The following DUS3L variants were observed in gnomAD, a reference collection of about 807,000 sequenced individuals.
The protein encoded by DUS3L is dihydrouridine synthase 3 like, also known as tRNA-dihydrouridine(47) synthase [NAD(P)(+)]-like.
Under a neutral mutation model 74.6 loss-of-function variants are expected in DUS3L, and 62 were observed. That is an observed-to-expected ratio of 0.83 (90% CI 0.68 to 1.03). The LOEUF is 1.03. Among genes scored for constraint, DUS3L ranks in the 50% least tolerant of loss-of-function variants. DUS3L has a pLI of 0.00. For synonymous variants in DUS3L, 433 were observed against 395.7 expected, an observed-to-expected ratio of 1.09 and a Z score of -1.12; for missense variants, 884 against 924.4, an observed-to-expected ratio of 0.96 and a Z score of 0.57.
At chr19:5,787,265 G>C in intron 7 of DUS3L, 31 bp downstream of exon 7, 2 of 1,610,724 alleles carry the variant, frequency 1.2e-6, no homozygotes, top group Non-Finnish European at 1.7e-6. Flanking sequence ...GAGTTGTTTG[G>C]GAGCCAGTGC....
At chr19:5,788,870 C>T (rs987455662) in intron 3 of DUS3L, among the ~76,000 whole-genome samples, 1 of 152,154 alleles carries the variant, frequency 6.6e-6, no homozygotes, top group Admixed American at 6.5e-5. Flanking sequence ...CCAGGCCCGG[C>T]TAATTTTTGT....
chr19:5,787,450 A>G, intron 6 of DUS3L, 89 bp from the exon 7 acceptor site: 1 of 1,526,720 alleles, frequency 6.5e-7, no homozygotes, highest in Admixed American at 1.7e-5. Flanking sequence ...CCACCAGGAG[A>G]CGCCGACCTG....
intron 7 of DUS3L, 22 bp from the exon 8 acceptor site, chr19:5,787,193 T>TGGCAGGAGAC (rs766024947): frequency 1.6e-5 from 13 of 825,620 alleles, no homozygotes; most frequent in Admixed American, 1.2e-4. Flanking sequence ...TGGTGGGAGG[T>TGGCAGGAGAC]GGTGGGAGAT....
In DUS3L at chr19:5,785,671, C is replaced by T; in HGVS notation, c.1683G>A (p.Trp561Ter). Residue 561 changes from tryptophan to a stop codon, truncating the protein, a stop_gained, in exon 11 of 13, where the codon TGG becomes TGA. Coordinates refer to ENST00000309061, the MANE Select transcript of DUS3L (RefSeq NM_020175.3). LOFTEE classifies it high-confidence loss of function. The stretch of plus-strand genomic sequence containing the variant: ...TCTCCACGCCCTGCGTGTCCGAGCC[C>T]CAGTGCTCCAGGCCGTAGTTGGTGA... ...RDFTNYGLEHWGSDTQGVEKT... is the reference protein window; with the variant it reads ...RDFTNYGLEH 1 of 1,612,706 alleles carries T rather than the reference C, an allele frequency of 6.2e-7. No homozygotes were observed. The highest frequency in any genetic ancestry group is 8.5e-7 in the Non-Finnish European group (1 of 1,179,894).
At position 5,787,694 on chromosome 19, in the gene DUS3L, G is replaced by A. The variant is rs757904184; in HGVS notation, c.1107C>T (p.Ala369=). 1 of 1,613,424 alleles carries A rather than the reference G, an allele frequency of 6.2e-7. No homozygotes were observed. The highest frequency in any genetic ancestry group is 1.1e-5 in the South Asian group (1 of 91,086). The stretch of plus-strand genomic sequence containing the variant: ...CACACTTGGTCATGGTGTCGGGGAA[G>A]GCGCCCTCCAGCTGTAGGTGGGTAG... The part of the protein sequence containing the change: ...EDIFGVQLEG[A]FPDTMTKCAE... Residue 369 remains alanine, a synonymous_variant, in exon 6 of 13, where the codon GCC becomes GCT. Transcript: ENST00000309061.
At chr19:5,786,377 A>G (rs974424615) in intron 10 of DUS3L, 90 bp downstream of exon 10, 29 of 1,313,452 alleles carry the variant, frequency 2.2e-5, no homozygotes, top group Admixed American at 1.2e-4. Context: ...CCAACAGCCC[A>G]CCACAGAACA....
chr19:5,785,310 C>T, intron 12 of DUS3L, 35 bp from the exon 13 acceptor site: 1 of 1,609,686 alleles, frequency 6.2e-7, no homozygotes. Flanking sequence ...AGGTCAGGCC[C>T]AGGACCTGCA....
Position 5,789,621 on chromosome 19 carries a change from G to A in DUS3L, c.486C>T (p.Cys162=), listed in dbSNP as rs779158913. Residue 162 remains cysteine, a synonymous_variant, in exon 3 of 13, where the codon TGC becomes TGT. Transcript: ENST00000309061. ...ACCGGCCGAAGGTCTCGAAGAGCAC[G>A]CAGCGGGGGCCCAGGTCGGCCGGCT... The part of the protein sequence containing the change: ...ETKPADLGPR[C]VLFETFGRCP... The A allele has an allele frequency of 2.5e-6, 4 of 1,599,790 alleles. No homozygotes were observed. In the South Asian group the frequency reaches 3.4e-5, roughly 13 times the overall value.
Position 5,787,639 on chromosome 19 carries a change from C to A in DUS3L, c.1162G>T (p.Asp388Tyr). The A allele has an allele frequency of 6.2e-7, 1 of 1,613,880 alleles. No homozygotes were observed. Among genetic ancestry groups the A allele is most frequent in the East Asian group, 2.2e-5 (1 of 44,884 alleles). ...CAGCCGACGTTGATGTCCACAAAGT[C>A]CACCTCCACGGTGCGGCTCAGCAGC... ...AELLSRTVEV[D>Y]FVDINVGCPI... The change falls in exon 6 of 13, where the codon GAC (aspartate) becomes TAC (tyrosine). Residue 388 changes from aspartate to tyrosine, a missense_variant. Physicochemically the swap from Asp to Tyr is radical, Grantham distance 160. Transcript: ENST00000309061.
chr19:5,789,257 GC>G lies in DUS3L; in HGVS notation c.849del (p.Leu285Ter). 6.4e-7 allele frequency: 1 copy of G among 1,572,138 alleles called. No homozygotes were observed. Among genetic ancestry groups the G allele is most frequent in the Middle Eastern group, 1.7e-4 (1 of 5,884 alleles). Reference protein sequence around the residue: ...TPPSSPVRTCGPLTDEDVVRL... With the variant: ...TPPSSPVRTCXPLTDEDVVRL... Reference sequence around the variant, plus strand: ...CTGACCACGTCCTCATCCGTCAGGGGCCCGCAGGTCCGCACGGGGCTGCTGG... The same window carrying G: ...CTGACCACGTCCTCATCCGTCAGGGGCCGCAGGTCCGCACGGGGCTGCTGG... On this transcript the variant is annotated frameshift_variant, in exon 3 of 13. Transcript: ENST00000309061. LOFTEE classifies it high-confidence loss of function.
intron 1 of DUS3L, chr19:5,790,756 G>A: frequency 1.8e-6 from 1 of 568,952 alleles, no homozygotes; most frequent in African/African-American, 1.9e-5. Flanking sequence ...CACATGCGCC[G>A]TACGTCCATA....
rs910548300 is a variant in DUS3L at position 5,785,467 on chromosome 19, T to C, written c.1796A>G (p.Asn599Ser). 3 of 1,584,644 alleles carry C rather than the reference T, an allele frequency of 1.9e-6. No individual in the cohort carries two copies. The highest frequency in any genetic ancestry group is 1.3e-5 in the African/African-American group (1 of 74,412). ...GLLERLPQRI[N>S]ERPPYYLGRD... ...GCCCAGGTAGTAGGGCGGCCGCTCG[T>C]TGATCCTCTGTGGGAGCCGCTCCAG... Residue 599 changes from asparagine to serine, a missense_variant, in exon 12 of 13, where the codon AAC (asparagine) becomes AGC (serine). Coordinates refer to ENST00000309061, the MANE Select transcript of DUS3L (RefSeq NM_020175.3).
chr19:5,789,538 T>C lies in DUS3L; in HGVS notation c.569A>G (p.Asn190Ser). ...GGCCGCCAACTCCTCCTGCACCAGG[T>C]TCTGTCCCTCGGGCCTCAGGTGGGC... ...AGAHLRPEGQ[N>S]LVQEELAARG... is the part of the protein sequence containing the mutation. The change falls in exon 3 of 13, where the codon AAC becomes AGC. Residue 190 changes from asparagine (N) to serine (S), a missense_variant. Physicochemically the swap from Asn to Ser is conservative, Grantham distance 46 (BLOSUM62 1). Coordinates refer to ENST00000309061, the MANE Select transcript of DUS3L (RefSeq NM_020175.3). 1.2e-6 allele frequency: 2 copies of C among 1,603,468 alleles called. No homozygotes were observed. Among genetic ancestry groups the C allele is most frequent in the Non-Finnish European group, 1.7e-6 (2 of 1,176,860 alleles).
chr19:5,789,156 GACGCACAC>G, intron 3 of DUS3L, 43 bp downstream of exon 3: 1 of 1,496,704 alleles, frequency 6.7e-7, no homozygotes. Context: ...GTATTTAATA[GACGCACAC>G]CAGATGGACA....
chr19:5,786,867 A>G (rs1206472265), intron 8 of DUS3L, 22 bp from the exon 9 acceptor site: 2 of 1,593,356 alleles, frequency 1.3e-6, no homozygotes, highest in Non-Finnish European at 1.7e-6. Flanking sequence ...GCCGCCACGC[A>G]GGGTAGGAGG....
At chr19:5,786,893 A>C in intron 8 of DUS3L, 48 bp from the exon 9 acceptor site, 2 of 1,552,208 alleles carry the variant, frequency 1.3e-6, no homozygotes, top group East Asian at 2.3e-5. Context: ...AGTGAGACGC[A>C]GAGAGGAAGA....
chr19:5,789,848 C>T, intron 2 of DUS3L, 129 bp from the exon 3 acceptor site: 1 of 1,338,504 alleles, frequency 7.5e-7, no homozygotes, highest in Non-Finnish European at 1.0e-6. Flanking sequence ...CCTCACCGTG[C>T]CTCTGCATCT....
chr19:5,788,854 C>T (rs189569264), intron 3 of DUS3L, among the ~76,000 whole-genome samples: 1 of 152,204 alleles, frequency 6.6e-6, no homozygotes, highest in African/African-American at 2.4e-5. Context: ...TTACAGGTGC[C>T]CGCCACCAGG....
intron 8 of DUS3L, 57 bp from the exon 9 acceptor site, chr19:5,786,902 G>A: frequency 1.3e-6 from 2 of 1,538,650 alleles, no homozygotes; most frequent in Non-Finnish European, 1.7e-6. Flanking sequence ...CAGAGAGGAA[G>A]AGACCAAGAG....
Sources: gnomAD v4.1 joint callset for allele counts (sites outside exome capture counted in the v4.1 genomes callset) on GRCh38, gnomAD v4.1.1 for gene constraint, MANE v1.5 for transcripts, NCBI Gene and HGNC (gene_info 2026-07-23, HGNC 2026-07-21) for gene names.